PBRM1: variants seen among roughly 807,000 people sequenced by gnomAD.
PBRM1 encodes protein polybromo-1.
In PBRM1, 27 loss-of-function variants were observed where a neutral mutation model predicts 194.5. That is an observed-to-expected ratio of 0.14 (90% CI 0.10 to 0.19). The LOEUF is 0.19. Ranked by LOEUF, PBRM1 falls within the 10% of genes least tolerant of loss-of-function variation. PBRM1 has a pLI of 1.00. For missense variants in PBRM1, 1,466 were observed against 2,077.2 expected, an observed-to-expected ratio of 0.71 and a Z score of 5.72; for synonymous variants, 655 against 693.2, an observed-to-expected ratio of 0.94 and a Z score of 0.87.
intron 20 of PBRM1, among the ~76,000 whole-genome samples, chr3:52,584,912 C>A (rs1336809236): frequency 6.6e-6 from 1 of 151,800 alleles, no homozygotes; most frequent in Non-Finnish European, 1.5e-5. Context: ...GCTTGAGACA[C>A]AAATATGAAT....
chr3:52,562,705 A>G (rs1028723644), intron 24 of PBRM1, among the ~76,000 whole-genome samples: 1 of 151,844 alleles, frequency 6.6e-6, no homozygotes, highest in African/African-American at 2.4e-5. Flanking sequence ...CACCATGCCT[A>G]ATTTTTAAAA....
chr3:52,600,937 G>A (rs368544776), intron 17 of PBRM1, among the ~76,000 whole-genome samples: 131 of 152,132 alleles, frequency 8.6e-4, no homozygotes, highest in African/African-American at 3.0e-3. Flanking sequence ...GTGCCCAGCC[G>A]CTAAATTACT....
chr3:52,675,935 G>A (rs2097090897), intron 2 of PBRM1, among the ~76,000 whole-genome samples: 2 of 104,830 alleles, frequency 1.9e-5, no homozygotes, highest in South Asian at 5.3e-4. Flanking sequence ...CTAAAATGGT[G>A]AAACCCCGTC....
At chr3:52,623,191 G>T (rs1314049362) in intron 13 of PBRM1, among the ~76,000 whole-genome samples, 4 of 152,328 alleles carry the variant, frequency 2.6e-5, no homozygotes, top group South Asian at 2.1e-4. Flanking sequence ...AGGAGGCTGA[G>T]GTGGGAGGAT....
intron 22 of PBRM1, among the ~76,000 whole-genome samples, chr3:52,571,927 T>C: frequency 6.8e-6 from 1 of 146,742 alleles, no homozygotes; most frequent in Admixed American, 7.0e-5. Context: ...AGTCCCAGCT[T>C]CTTGGAAGGC....
At chr3:52,580,797 T>C (rs994383032) in intron 20 of PBRM1, among the ~76,000 whole-genome samples, 1 of 152,194 alleles carries the variant, frequency 6.6e-6, no homozygotes, top group African/African-American at 2.4e-5. Flanking sequence ...GGCCACCAGA[T>C]AGGGTTGTTT....
At chr3:52,637,847 GA>G (rs2153675182) in intron 10 of PBRM1, among the ~76,000 whole-genome samples, 1 of 148,974 alleles carries the variant, frequency 6.7e-6, no homozygotes, top group African/African-American at 2.5e-5. Flanking sequence ...CCCGGAGGCT[GA>G]GGCAGGAGAA....
chr3:52,589,516 C>T (rs1470547466), intron 17 of PBRM1, among the ~76,000 whole-genome samples: 1 of 152,088 alleles, frequency 6.6e-6, no homozygotes, highest in African/African-American at 2.4e-5. Flanking sequence ...AAAAACATCA[C>T]CTTACTAATA....
chr3:52,602,211 A>T (rs968163087), intron 17 of PBRM1, among the ~76,000 whole-genome samples: 1 of 152,166 alleles, frequency 6.6e-6, no homozygotes, highest in Non-Finnish European at 1.5e-5. Context: ...GGTTTTCAGC[A>T]TTATGTCTTC....
Position 52,576,708 on chromosome 3 carries a change from GA to G in PBRM1, c.3534-11del. ...CCATACTTTTTCAATTCTTGGGGAG[GA>G]AAATATATAAATTACATTAAAATAG... On this transcript the variant is annotated splice_polypyrimidine_tract_variant and intron_variant, in intron 21 of 29. Coordinates refer to ENST00000296302, the Ensembl canonical transcript of PBRM1. 6.3e-7 allele frequency: 1 copy of G among 1,577,640 alleles called. No individual in the cohort carries two copies. Among genetic ancestry groups the G allele is most frequent in the Non-Finnish European group, 8.6e-7 (1 of 1,161,646 alleles).
chr3:52,603,199 C>G (rs1576535748), intron 17 of PBRM1, among the ~76,000 whole-genome samples: 3 of 152,200 alleles, frequency 2.0e-5, no homozygotes, highest in South Asian at 4.1e-4. Context: ...GTTGAGAATG[C>G]TTTCTAGTTC....
chr3:52,655,923 C>T (rs926225264), intron 5 of PBRM1, among the ~76,000 whole-genome samples: 5 of 152,208 alleles, frequency 3.3e-5, no homozygotes, highest in African/African-American at 7.2e-5. Context: ...TCCTTCGGAT[C>T]GGGTTCCAGT....
At chr3:52,599,307 C>T (rs185115041) in intron 17 of PBRM1, among the ~76,000 whole-genome samples, 99 of 152,294 alleles carry the variant, frequency 6.5e-4, no homozygotes, top group Middle Eastern at 3.4e-3. Context: ...GGATTTATCA[C>T]TTCTTTATGT....
exon 21 of PBRM1, chr3:52,579,107 A>G: frequency 6.2e-7 from 1 of 1,614,204 alleles, no homozygotes; most frequent in Non-Finnish European, 8.5e-7. Context: ...CACAGTCGCC[A>G]ACCTTCAGCC....
upstream of PBRM1, among the ~76,000 whole-genome samples, chr3:52,682,878 G>A (rs1228896573): frequency 3.9e-5 from 6 of 152,098 alleles, no homozygotes; most frequent in Non-Finnish European, 2.9e-5. Flanking sequence ...TGGCCAACGT[G>A]GTGAAACCCT....
At chr3:52,653,618 A>G (rs1333060808) in intron 5 of PBRM1, among the ~76,000 whole-genome samples, 2 of 149,120 alleles carry the variant, frequency 1.3e-5, no homozygotes, top group African/African-American at 2.5e-5. Flanking sequence ...GAAAGAAATG[A>G]AGCAAAATTC....
chr3:52,631,840 G>T (rs1005945096), intron 11 of PBRM1, among the ~76,000 whole-genome samples: 1 of 152,126 alleles, frequency 6.6e-6, no homozygotes, highest in African/African-American at 2.4e-5. Flanking sequence ...TTGAAAATTT[G>T]TAATGTAAGA....
At chr3:52,564,720 G>A (rs1442269350) in intron 22 of PBRM1, among the ~76,000 whole-genome samples, 1 of 151,850 alleles carries the variant, frequency 6.6e-6, no homozygotes, top group Admixed American at 6.6e-5. Context: ...CAATGGAATA[G>A]AACTGAAAGT....
intron 17 of PBRM1, among the ~76,000 whole-genome samples, chr3:52,592,510 A>G (rs1048044797): frequency 6.6e-6 from 1 of 152,124 alleles, no homozygotes; most frequent in African/African-American, 2.4e-5. Flanking sequence ...CCAGGGATAA[A>G]GCCTACTTGA....
Sources: allele counts gnomAD v4.1 joint callset (sites outside exome capture counted in the v4.1 genomes callset), GRCh38; gene constraint gnomAD v4.1.1; transcripts MANE v1.5; gene names NCBI Gene and HGNC (gene_info 2026-07-23, HGNC 2026-07-21).